Variants in PUM1 observed in about 807,000 individuals in gnomAD.
PUM1 encodes the protein pumilio RNA binding family member 1.
Under a neutral mutation model 131.8 loss-of-function variants are expected in PUM1, and 13 were observed. The observed-to-expected ratio is 0.10, with a 90% CI of 0.06 to 0.16. The LOEUF (loss-of-function observed/expected upper bound fraction) is 0.16. PUM1 is among the 10% of genes least tolerant of loss of function. The probability of loss-of-function intolerance (pLI) is 1.00; values close to 1 mark genes in which losing one functional copy is unlikely to be tolerated. For missense variants in PUM1, 961 were observed against 1,512.4 expected (o/e 0.64, Z 6.05); for synonymous variants, 509 against 556.5 (o/e 0.91, Z 1.20).
chr1:30,970,247 TA>T (rs137959283), intron 10 of PUM1, among the ~76,000 whole-genome samples: 16 of 149,804 alleles, frequency 1.1e-4, no homozygotes, highest in South Asian at 6.3e-4. Context: ...GTACCAGTGG[TA>T]AAAAAAAAAT....
chr1:31,004,008 C>T (rs542257263), intron 5 of PUM1, among the ~76,000 whole-genome samples: 1 of 152,322 alleles, frequency 6.6e-6, no homozygotes, highest in Admixed American at 6.5e-5. Flanking sequence ...TATCTTTATG[C>T]ATACCTCAGC....
chr1:31,056,609 C>CTTTTCTTTTTTTTT (rs1644245029), intron 2 of PUM1, among the ~76,000 whole-genome samples: 2 of 43,688 alleles, frequency 4.6e-5, no homozygotes, highest in Non-Finnish European at 8.0e-5. Context: ...CTTTTCTTTT[C>CTTTTCTTTTTTTTT]TTTTTTTTTT....
At position 31,054,535 on chromosome 1, in the gene PUM1, TAAAA is replaced by T. The variant is rs555867693; in HGVS notation, c.363+4665_363+4668del. On this transcript the variant is annotated intron_variant, in intron 2 of 21. Transcript: ENST00000426105. ...TTGTTCCATTATGCCAAAGGGCCACTAAAAAAAAAAAAAAAAAAAAAAAGGCCCA... is the reference window on the plus strand; with the variant it reads ...TTGTTCCATTATGCCAAAGGGCCACTAAAAAAAAAAAAAAAAAAAGGCCCA... 1.7e-3 allele frequency among the ~76,000 whole-genome samples: 143 copies of T among 83,394 alleles called. 1 individual carries two copies. Among genetic ancestry groups the T allele is most frequent in the African/African-American group, 3.8e-3 (102 of 26,604 alleles). The allele number at this position is 83,394 out of a possible 152,430, so 54.7% of individuals were successfully genotyped here.
chr1:30,957,427 T>G (rs1243356824), intron 14 of PUM1, among the ~76,000 whole-genome samples: 1 of 152,188 alleles, frequency 6.6e-6, no homozygotes, highest in South Asian at 2.1e-4. Context: ...AATACCAACA[T>G]GTACTTGCAC....
intron 2 of PUM1, among the ~76,000 whole-genome samples, chr1:31,041,034 T>C (rs1445557594): frequency 6.6e-6 from 1 of 151,920 alleles, no homozygotes; most frequent in African/African-American, 2.4e-5. Context: ...CATGAGCCTA[T>C]CAAATAAAGC....
At chr1:31,028,642 A>G in intron 3 of PUM1, 154 bp downstream of exon 3, 1 of 710,022 alleles carries the variant, frequency 1.4e-6, no homozygotes, top group Non-Finnish European at 2.5e-6. Flanking sequence ...TAGTTTTGGC[A>G]AAATTCTCCA....
At chr1:31,005,361 G>A (rs984157550) in intron 5 of PUM1, among the ~76,000 whole-genome samples, 2 of 152,126 alleles carry the variant, frequency 1.3e-5, no homozygotes, top group African/African-American at 4.8e-5. Flanking sequence ...TTCAAGGAGG[G>A]CCAAAGAGGA....
chr1:31,035,723 C>G (rs1464566915), intron 2 of PUM1, among the ~76,000 whole-genome samples: 4 of 151,776 alleles, frequency 2.6e-5, no homozygotes, highest in Admixed American at 6.6e-5. Flanking sequence ...TGCACTCCTG[C>G]CTGGGCAACG....
At chr1:30,961,743 G>A (rs1022368606) in intron 14 of PUM1, among the ~76,000 whole-genome samples, 6 of 152,074 alleles carry the variant, frequency 3.9e-5, no homozygotes, top group Non-Finnish European at 7.4e-5. Flanking sequence ...AGATCCACAC[G>A]AGATATAGGC....
intron 15 of PUM1, among the ~76,000 whole-genome samples, chr1:30,952,683 CGGGG>C (rs1233416238): frequency 2.4e-5 from 1 of 41,786 alleles, no homozygotes; most frequent in Non-Finnish European, 4.3e-5. Flanking sequence ...GCGGGGGGGG[CGGGG>C]GGGGGGCGGG....
At chr1:30,946,857 T>C (rs1639698896) in intron 17 of PUM1, among the ~76,000 whole-genome samples, 1 of 151,982 alleles carries the variant, frequency 6.6e-6, no homozygotes, top group Non-Finnish European at 1.5e-5. Flanking sequence ...TGCAGTGAGC[T>C]ACGGTAACAC....
chr1:31,001,180 T>C (rs956026491), intron 5 of PUM1, among the ~76,000 whole-genome samples: 1 of 150,910 alleles, frequency 6.6e-6, no homozygotes, highest in African/African-American at 2.4e-5. Context: ...CAAGACTCCG[T>C]CTCAAAAAAA....
chr1:30,943,663 A>G (rs2124394716), intron 18 of PUM1, among the ~76,000 whole-genome samples: 1 of 152,346 alleles, frequency 6.6e-6, no homozygotes, highest in South Asian at 2.1e-4. Context: ...CTCATGGTAT[A>G]CATGTACAGA....
At chr1:30,949,022 A>G (rs1355883684) in intron 17 of PUM1, 2 of 451,760 alleles carry the variant, frequency 4.4e-6, no homozygotes, top group African/African-American at 2.0e-5. Flanking sequence ...ATCACTTTAA[A>G]AACTTTGGAC....
chr1:30,964,088 G>A (rs1640527446), intron 14 of PUM1, among the ~76,000 whole-genome samples: 1 of 151,922 alleles, frequency 6.6e-6, no homozygotes, highest in African/African-American at 2.4e-5. Flanking sequence ...AATCTAGATG[G>A]TAATATTTTA....
At position 30,937,713 on chromosome 1, in the gene PUM1, T is replaced by C. The variant is rs117163797; in HGVS notation, c.3243-878A>G. Among the ~76,000 whole-genome samples, 782 of 152,224 alleles carry C rather than the reference T, an allele frequency of 5.1e-3. 5 individuals carry two copies. Among genetic ancestry groups the C allele is most frequent in the East Asian group, 0.033 (171 of 5,180 alleles). ...ACAGAAGAGTCAATGAACTTGAAAATAGATCAATAGAAGTAAACAAAAAAA... is the reference window on the plus strand; with the variant it reads ...ACAGAAGAGTCAATGAACTTGAAAACAGATCAATAGAAGTAAACAAAAAAA... On this transcript the variant is annotated intron_variant, in intron 20 of 21. Coordinates refer to ENST00000426105, the MANE Select transcript of PUM1 (RefSeq NM_001020658.2).
chr1:31,044,364 T>C (rs933595386), intron 2 of PUM1, among the ~76,000 whole-genome samples: 1 of 152,104 alleles, frequency 6.6e-6, no homozygotes, highest in Non-Finnish European at 1.5e-5. Flanking sequence ...ATCGTGCCAC[T>C]GCACTCCAGC....
intron 7 of PUM1, among the ~76,000 whole-genome samples, chr1:30,989,885 G>A (rs1423765611): frequency 3.3e-5 from 5 of 152,190 alleles, no homozygotes; most frequent in African/African-American, 4.8e-5. Context: ...TCTCCCTGAA[G>A]TTATCTACAA....
intron 2 of PUM1, among the ~76,000 whole-genome samples, chr1:31,033,154 A>G (rs552521381): frequency 1.8e-4 from 27 of 152,214 alleles, no homozygotes; most frequent in Non-Finnish European, 2.8e-4. Context: ...TTAGGAGACC[A>G]TATTGGTTAT....
Sources: gnomAD v4.1 joint callset for allele counts (sites outside exome capture counted in the v4.1 genomes callset) on GRCh38, gnomAD v4.1.1 for gene constraint, MANE v1.5 for transcripts, NCBI Gene and HGNC (gene_info 2026-07-23, HGNC 2026-07-21) for gene names.